COG3: variants seen among roughly 807,000 people sequenced by gnomAD.
The protein encoded by COG3 is component of oligomeric golgi complex 3, also known as conserved oligomeric Golgi complex subunit 3.
COG3 carries 32 observed loss-of-function variants against 114.1 expected under a neutral mutation model. The ratio of observed to expected loss-of-function variants is 0.28; its 90% confidence interval spans 0.21 to 0.38. The LOEUF (loss-of-function observed/expected upper bound fraction) is 0.38. COG3 is among the 10% of genes least tolerant of loss of function. COG3 has a pLI of 1.00. For missense variants in COG3, 813 were observed against 973.2 expected (o/e 0.84, Z 2.19); for synonymous variants, 352 against 365.7 (o/e 0.96, Z 0.43).
chr13:45,481,469 TC>T (rs1886244929), intron 5 of COG3, among the ~76,000 whole-genome samples, 165 bp downstream of exon 5: 1 of 152,210 alleles, frequency 6.6e-6, no homozygotes, highest in Non-Finnish European at 1.5e-5. Context: ...CATTACCAGT[TC>T]AGATTTTTAA....
In COG3 at chr13:45,509,707, T is replaced by C. The variant is rs746715581; in HGVS notation, c.1610T>C (p.Leu537Pro). Residue 537 changes from leucine (L) to proline (P), a missense_variant, in exon 15 of 23, where the codon CTC (leucine) becomes CCC (proline). Leu to Pro is a moderately conservative substitution (Grantham distance 98, BLOSUM62 -3). Transcript: ENST00000349995. ...TGGGTTTTAGGTTCAACAGAATCCC[T>C]CAATCCTAGACCACAGACCACAATT... Reference protein sequence around the residue: ...SLTKSGSTESLNPRPQTTISP... With the variant: ...SLTKSGSTESPNPRPQTTISP... The C allele has an allele frequency of 6.2e-7, 1 of 1,613,932 alleles. No individual in the cohort carries two copies. Among genetic ancestry groups the C allele is most frequent in the South Asian group, 1.1e-5 (1 of 91,056 alleles).
In COG3 at chr13:45,509,809, G is replaced by A. The variant is rs1472565980; in HGVS notation, c.1712G>A (p.Cys571Tyr). Residue 571 changes from cysteine (C) to tyrosine (Y), a missense_variant, in exon 15 of 23, where the codon TGC becomes TAC. Cys to Tyr is a radical substitution (Grantham distance 194). Transcript: ENST00000349995. ...TLVCLSKLYR[C>Y]IDRAVFQGLS... Reference sequence around the variant, plus strand: ...GTCTGTCTCTCCAAATTATACAGATGCATAGATGTACGTGTATCTTTACTG... The same window carrying A: ...GTCTGTCTCTCCAAATTATACAGATACATAGATGTACGTGTATCTTTACTG... 6.2e-7 allele frequency: 1 copy of A among 1,610,374 alleles called. No homozygotes were observed. Among genetic ancestry groups the A allele is most frequent in the Admixed American group, 1.7e-5 (1 of 59,924 alleles).
intron 8 of COG3, among the ~76,000 whole-genome samples, chr13:45,489,186 C>CAAA (rs71074703): frequency 1.6e-4 from 5 of 30,412 alleles, no homozygotes; most frequent in Admixed American, 6.8e-4. Context: ...GACTCTGTTT[C>CAAA]AAAAAAAAAA....
intron 19 of COG3, among the ~76,000 whole-genome samples, 173 bp downstream of exon 19, chr13:45,519,267 C>A (rs1425263906): frequency 2.0e-5 from 3 of 152,174 alleles, no homozygotes; most frequent in African/African-American, 7.2e-5. Context: ...GGTTTATGGA[C>A]TTTTAGATAT....
intron 20 of COG3, among the ~76,000 whole-genome samples, chr13:45,527,387 C>T (rs2137924901): frequency 6.6e-6 from 1 of 152,290 alleles, no homozygotes; most frequent in Non-Finnish European, 1.5e-5. Context: ...TTCAGTTTAT[C>T]TTGTAGTTGT....
At chr13:45,489,867 C>A (rs892232340) in intron 8 of COG3, among the ~76,000 whole-genome samples, 4 of 148,836 alleles carry the variant, frequency 2.7e-5, no homozygotes, top group Non-Finnish European at 3.0e-5. Flanking sequence ...GGTAAATAGG[C>A]AAGACTAAAG....
At chr13:45,489,889 G>C (rs1886919097) in intron 8 of COG3, among the ~76,000 whole-genome samples, 1 of 149,544 alleles carries the variant, frequency 6.7e-6, no homozygotes, top group Non-Finnish European at 1.5e-5. Context: ...AGAAAATTTT[G>C]AAAAATACAG....
Position 45,516,131 on chromosome 13 carries a change from CTT to C in COG3, c.1810-11_1810-10del, listed in dbSNP as rs774431357. 4 of 1,536,446 alleles carry C rather than the reference CTT, an allele frequency of 2.6e-6. No homozygotes were observed. In the African/African-American group the frequency reaches 4.1e-5, roughly 16 times the overall value. The stretch of plus-strand genomic sequence containing the variant: ...TATGTGATCATATCCATTTTTCTGT[CTT>C]ATAATTTAGACTCAGATTGATGGAC... On this transcript the variant is annotated splice_polypyrimidine_tract_variant and intron_variant, in intron 16 of 22. Coordinates refer to ENST00000349995, the MANE Select transcript of COG3 (RefSeq NM_031431.4).
intron 8 of COG3, among the ~76,000 whole-genome samples, chr13:45,489,261 T>C (rs1427527444): frequency 4.9e-3 from 5 of 1,026 alleles, no homozygotes; most frequent in Non-Finnish European, 6.0e-3. Flanking sequence ...AGACCCAGCC[T>C]CAAAAAAAAA....
intron 8 of COG3, among the ~76,000 whole-genome samples, chr13:45,489,441 T>C (rs1418455774): frequency 6.6e-6 from 1 of 152,046 alleles, no homozygotes; most frequent in Non-Finnish European, 1.5e-5. Context: ...ATTGATTGCT[T>C]TTGCTTATTA....
chr13:45,480,870 A>G (rs1301579507), intron 4 of COG3, among the ~76,000 whole-genome samples: 1 of 152,192 alleles, frequency 6.6e-6, no homozygotes, highest in Non-Finnish European at 1.5e-5. Context: ...CCAGCTACTG[A>G]CACTTTTCAA....
At chr13:45,481,001 G>C (rs946384090) in intron 4 of COG3, among the ~76,000 whole-genome samples, 3 of 152,166 alleles carry the variant, frequency 2.0e-5, no homozygotes, top group Non-Finnish European at 4.4e-5. Flanking sequence ...ATGTACTTTT[G>C]TGTATTTTAA....
Position 45,518,989 on chromosome 13 carries a change from T to C in COG3, c.2049T>C (p.Leu683=), listed in dbSNP as rs143300214. ...EGTPEIREHY[L]DSKKDVDRHL... ...CTCCTGAGATAAGAGAACATTATCT[T>C]GACTCTAAAAAAGACGTAGACCGTC... is the stretch of plus-strand genomic sequence containing the variant. The change falls in exon 19 of 23, where the codon CTT becomes CTC. Residue 683 remains leucine (L), a synonymous_variant. Coordinates refer to ENST00000349995, the MANE Select transcript of COG3 (RefSeq NM_031431.4). 3.5e-5 allele frequency: 57 copies of C among 1,614,032 alleles called. No homozygotes were observed. In the Admixed American group the frequency reaches 3.8e-4, roughly 11 times the overall value.
chr13:45,481,231 C>A lies in COG3; in HGVS notation c.551C>A (p.Ser184Ter). The A allele has an allele frequency of 1.3e-6, 2 of 1,573,680 alleles. No homozygotes were observed. Among genetic ancestry groups the A allele is most frequent in the African/African-American group, 1.4e-5 (1 of 74,014 alleles). ...EACEQLLKEQ[S>*]ELVDLAENIQ... ...TTTTTCTCTTTTAAAAAATGCAAGT[C>A]GGAACTTGTTGATCTGGCTGAAAAC... Residue 184 changes from serine (S) to a stop codon, truncating the protein, a stop_gained and splice_region_variant, in exon 5 of 23, where the codon TCG becomes TAG. Transcript: ENST00000349995. LOFTEE classifies it high-confidence loss of function.
intron 1 of COG3, among the ~76,000 whole-genome samples, chr13:45,467,823 A>G (rs1208231625): frequency 6.6e-6 from 1 of 152,110 alleles, no homozygotes; most frequent in East Asian, 1.9e-4. Flanking sequence ...TAACTCAAGG[A>G]TTTTCTGTAG....
intron 8 of COG3, among the ~76,000 whole-genome samples, chr13:45,489,262 C>CAAA (rs377551623): frequency 0.14 from 6,272 of 43,530 alleles, 1,430 homozygotes; most frequent in Middle Eastern, 0.23. Context: ...GACCCAGCCT[C>CAAA]AAAAAAAAAA....
chr13:45,470,121 A>C (rs1885382164), intron 1 of COG3, among the ~76,000 whole-genome samples: 1 of 152,144 alleles, frequency 6.6e-6, no homozygotes, highest in Non-Finnish European at 1.5e-5. Context: ...TTTTCCTTAT[A>C]CTCTGTTGAA....
At chr13:45,511,511 A>T (rs1870859707) in intron 15 of COG3, among the ~76,000 whole-genome samples, 1 of 152,236 alleles carries the variant, frequency 6.6e-6, no homozygotes, top group Admixed American at 6.5e-5. Context: ...CATCTAGCAC[A>T]GTGCCTAGTA....
intron 11 of COG3, among the ~76,000 whole-genome samples, chr13:45,492,981 T>C (rs1183474502): frequency 6.6e-6 from 1 of 152,294 alleles, no homozygotes; most frequent in Non-Finnish European, 1.5e-5. Flanking sequence ...AAGTTACCAT[T>C]TGATTGATAG....
Sources: gnomAD v4.1 joint callset for allele counts (sites outside exome capture counted in the v4.1 genomes callset) on GRCh38, gnomAD v4.1.1 for gene constraint, MANE v1.5 for transcripts, NCBI Gene and HGNC (gene_info 2026-07-23, HGNC 2026-07-21) for gene names.